The following NCOR2 variants were observed in gnomAD, a reference collection of about 807,000 sequenced individuals.
The protein encoded by NCOR2 is CTG repeat protein 26.
NCOR2 carries 81 observed loss-of-function variants against 262.9 expected under a neutral mutation model. The ratio of observed to expected loss-of-function variants is 0.31; its 90% CI spans 0.26 to 0.37. The LOEUF is 0.37. NCOR2 is among the 10% of genes least tolerant of loss of function. NCOR2 has a pLI of 1.00. For missense variants in NCOR2, 3,385 were observed against 3,621.4 expected, an observed-to-expected ratio of 0.93 and a Z score of 1.68; for synonymous variants, 1,659 against 1,559.3, an observed-to-expected ratio of 1.06 and a Z score of -1.51.
chr12:124,445,133 G>A (rs1288391036), intron 7 of NCOR2, among the ~76,000 whole-genome samples: 1 of 152,222 alleles, frequency 6.6e-6, no homozygotes, highest in Non-Finnish European at 1.5e-5. Context: ...CAGGCCTGAG[G>A]GGGCCGGTGA....
intron 17 of NCOR2, among the ~76,000 whole-genome samples, chr12:124,384,176 T>C (rs1009295191): frequency 2.0e-5 from 3 of 152,248 alleles, no homozygotes; most frequent in African/African-American, 7.2e-5. Flanking sequence ...ACTCCTGACC[T>C]GGCTGACAGA....
chr12:124,340,547 C>T (rs1172507547), intron 35 of NCOR2, 55 bp downstream of exon 37: 1 of 1,528,742 alleles, frequency 6.5e-7, no homozygotes, highest in Admixed American at 2.0e-5. Flanking sequence ...GCCCATCCCC[C>T]AGCCGCCTCC....
At chr12:124,473,202 G>T in intron 3 of NCOR2, 71 bp from the exon 6 acceptor site, 1 of 1,543,344 alleles carries the variant, frequency 6.5e-7, no homozygotes, top group Non-Finnish European at 8.9e-7. Flanking sequence ...CCCTGTGATG[G>T]TTAATACTGT....
exon 34 of NCOR2, chr12:124,342,057 G>C: frequency 6.2e-7 from 1 of 1,610,528 alleles, no homozygotes; most frequent in Non-Finnish European, 8.5e-7. Context: ...AGGTGTCGGG[G>C]CAGGTAGTAG....
At chr12:124,398,980 C>T (rs1483066501) in intron 15 of NCOR2, among the ~76,000 whole-genome samples, 1 of 152,188 alleles carries the variant, frequency 6.6e-6, no homozygotes, top group Non-Finnish European at 1.5e-5. Context: ...TGAGCCCTGG[C>T]CCTTCCTTTC....
At chr12:124,496,768 G>A (rs772705752), upstream of NCOR2, among the ~76,000 whole-genome samples, 3 of 141,890 alleles carry the variant, frequency 2.1e-5, no homozygotes, top group Non-Finnish European at 4.7e-5. This position sits in a 1 kb window ranked among gnomAD's most constrained non-coding sequence, Gnocchi z 4.4. Context: ...CATGTGACCC[G>A]GTCCTGGCCA....
At position 124,548,251 on chromosome 12, in the gene NCOR2, G is replaced by A. The variant is rs549809545; in HGVS notation, c.-164-12640C>T. On this transcript the variant is annotated intron_variant, in intron 1 of 32. Coordinates refer to the NCOR2 transcript ENST00000458234. This position sits in a 1 kb window ranked among gnomAD's most constrained non-coding sequence, Gnocchi z 5.1. Reference sequence around the variant, plus strand: ...ATTCCAGGTGGGGGGAACAACAAACGCGAAGGCCCAGAGGCAGATGCGGTC... The same window carrying A: ...ATTCCAGGTGGGGGGAACAACAAACACGAAGGCCCAGAGGCAGATGCGGTC... Among the ~76,000 whole-genome samples, 24 of 152,324 alleles carry A rather than the reference G, an allele frequency of 1.6e-4. No homozygotes were observed. Among genetic ancestry groups the A allele is most frequent in the Non-Finnish European group, 3.2e-4 (22 of 68,036 alleles).
At chr12:124,363,688 G>T in exon 21 of NCOR2, 1 of 1,390,586 alleles carries the variant, frequency 7.2e-7, no homozygotes. Flanking sequence ...CGATGGGGGG[G>T]ATGGCAGCCG....
intron 7 of NCOR2, among the ~76,000 whole-genome samples, chr12:124,449,282 A>ACAT (rs994260749): frequency 6.6e-6 from 1 of 152,234 alleles, no homozygotes. Flanking sequence ...TCATTAGAAT[A>ACAT]CATCACATTG....
chr12:124,567,351 C>T (rs1182959660), exon 1 of NCOR2: 2 of 151,528 alleles, frequency 1.3e-5, no homozygotes, highest in Non-Finnish European at 1.5e-5. Context: ...GGGGCGCGCT[C>T]GGGCCGCCGG....
chr12:124,527,463 G>GC (rs1160943976), intron 1 of NCOR2, among the ~76,000 whole-genome samples: 3 of 152,076 alleles, frequency 2.0e-5, no homozygotes, highest in Admixed American at 6.5e-5. Context: ...TGTTGCCCAG[G>GC]CTGGAGTGCA....
upstream of NCOR2, among the ~76,000 whole-genome samples, chr12:124,498,458 T>C (rs1266344649): frequency 6.6e-6 from 1 of 152,180 alleles, no homozygotes; most frequent in Non-Finnish European, 1.5e-5. Flanking sequence ...GCGCCTCACA[T>C]GCCGGTGGGG....
intron 16 of NCOR2, among the ~76,000 whole-genome samples, chr12:124,386,940 A>G (rs1474984700): frequency 6.6e-6 from 1 of 152,234 alleles, no homozygotes; most frequent in Non-Finnish European, 1.5e-5. Context: ...TGGGAGAGAC[A>G]GGGAGTGCTC....
At chr12:124,333,361 C>T in intron 41 of NCOR2, 82 bp from the exon 44 acceptor site, 6 of 1,291,484 alleles carry the variant, frequency 4.6e-6, no homozygotes, top group Middle Eastern at 2.1e-4. Flanking sequence ...AAACCAGGGC[C>T]CCACACGCTT....
At chr12:124,463,716 C>T (rs766655747) in intron 5 of NCOR2, among the ~76,000 whole-genome samples, 4 of 152,222 alleles carry the variant, frequency 2.6e-5, no homozygotes, top group South Asian at 4.1e-4. Flanking sequence ...TACTGATCCC[C>T]CAAGGGGCGG....
At chr12:124,347,898 A>T in exon 30 of NCOR2, 2 of 1,562,330 alleles carry the variant, frequency 1.3e-6, no homozygotes, top group South Asian at 2.4e-5. Flanking sequence ...GCGGGATGGC[A>T]CGGCCCATGA....
Position 124,509,243 on chromosome 12 carries a change from G to GA in NCOR2, c.-117-13876_-117-13875insT, listed in dbSNP as rs1566010737. 6.6e-5 allele frequency among the ~76,000 whole-genome samples: 10 copies of GA among 151,104 alleles called. No homozygotes were observed. The South Asian group carries it at 2.1e-3, about 32-fold the overall frequency. Reference sequence around the variant, plus strand: ...AGTGGCACTGGCTTTGGTGGGGGGGGGGGGGGCTTAACTCTGAACTCTCAA... The same window carrying GA: ...AGTGGCACTGGCTTTGGTGGGGGGGGAGGGGGGCTTAACTCTGAACTCTCAA... On this transcript the variant is annotated intron_variant, in intron 1 of 46. Transcript: ENST00000404621.
intron 1 of NCOR2, among the ~76,000 whole-genome samples, chr12:124,532,040 G>A (rs1473436854): frequency 6.6e-6 from 1 of 152,134 alleles, no homozygotes; most frequent in African/African-American, 2.4e-5. Flanking sequence ...TCCCTCTGCT[G>A]CTGCACCCTG....
intron 7 of NCOR2, among the ~76,000 whole-genome samples, chr12:124,439,178 CAGAG>C (rs1658678982): frequency 6.8e-6 from 1 of 146,790 alleles, no homozygotes; most frequent in Non-Finnish European, 1.5e-5. Context: ...AACAGAGACC[CAGAG>C]AGAGAGAGAC....
Sources: gnomAD v4.1 joint callset for allele counts (sites outside exome capture counted in the v4.1 genomes callset) on GRCh38, gnomAD v4.1.1 for gene constraint, Gnocchi (gnomAD v3.1) non-coding constraint, MANE v1.5 for transcripts, NCBI Gene and HGNC (gene_info 2026-07-23, HGNC 2026-07-21) for gene names.